The following FAM219A variants were observed in gnomAD, a reference collection of about 807,000 sequenced individuals.
FAM219A encodes protein FAM219A.
Under a neutral mutation model 23.4 loss-of-function variants are expected in FAM219A, and 7 were observed. The observed-to-expected ratio is 0.30, with a 90% confidence interval of 0.17 to 0.56. The LOEUF (loss-of-function observed/expected upper bound fraction) is 0.56, where lower values mean the gene tolerates loss of function less well. FAM219A is among the 20% of genes least tolerant of loss of function. The probability of loss-of-function intolerance (pLI) is 0.92; values close to 1 mark genes in which losing one functional copy is unlikely to be tolerated. For synonymous variants in FAM219A, 93 were observed against 99.0 expected (o/e 0.94, Z 0.36); for missense variants, 166 against 246.9 (o/e 0.67, Z 2.20).
chr9:34,440,988 C>T (rs1437672494), intron 1 of FAM219A, among the ~76,000 whole-genome samples: 3 of 152,170 alleles, frequency 2.0e-5, no homozygotes, highest in African/African-American at 7.2e-5. Context: ...CTCCTTGAGC[C>T]TCTCGAGTAG....
intron 1 of FAM219A, among the ~76,000 whole-genome samples, chr9:34,411,922 G>A (rs949473512): frequency 6.6e-6 from 1 of 152,128 alleles, no homozygotes; most frequent in African/African-American, 2.4e-5. Flanking sequence ...AACTAGCATA[G>A]TACATTCAAG....
intron 1 of FAM219A, among the ~76,000 whole-genome samples, chr9:34,416,273 GGGAAGGAA>G (rs74180565): frequency 0.14 from 16,171 of 114,120 alleles, 1,531 homozygotes; most frequent in Non-Finnish European, 0.18. Context: ...GAGGGAGGGA[GGGAAGGAA>G]GGAAGGAAGG....
At chr9:34,440,849 T>G (rs1823142005) in intron 1 of FAM219A, among the ~76,000 whole-genome samples, 1 of 138,656 alleles carries the variant, frequency 7.2e-6, no homozygotes, top group Non-Finnish European at 1.6e-5. Context: ...AGACTCGGTC[T>G]CAAAAAAAAA....
In FAM219A at chr9:34,400,749, C is replaced by G; in HGVS notation, c.*215G>C. ...ACGGCCCCCACCCCTCCTCAGCTCC[C>G]GGGTGGAGAGAGACCCAGTTTTGGT... is the stretch of plus-strand genomic sequence containing the variant. On this transcript the variant is annotated 3_prime_UTR_variant, in exon 6 of 6. Transcript: ENST00000651358. The G allele has an allele frequency of 1.1e-5, 5 of 456,640 alleles. No homozygotes were observed. In the South Asian group the frequency reaches 2.6e-4, roughly 23 times the overall value. The allele number at this position is 456,640 out of a possible 1,614,324, so 28.3% of individuals were successfully genotyped here. A position where few individuals can be genotyped will look rare whatever the true frequency, so the allele number is the denominator to read the frequency against.
At chr9:34,433,515 T>G (rs1451284306) in intron 1 of FAM219A, among the ~76,000 whole-genome samples, 2 of 152,194 alleles carry the variant, frequency 1.3e-5, no homozygotes, top group Non-Finnish European at 2.9e-5. Context: ...AAAAGACTCT[T>G]CTGAGAATTA....
At chr9:34,411,543 G>C (rs1407291740) in intron 1 of FAM219A, among the ~76,000 whole-genome samples, 1 of 152,016 alleles carries the variant, frequency 6.6e-6, no homozygotes, top group African/African-American at 2.4e-5. Context: ...CAGGCACGGT[G>C]GTGGGCGCCT....
At position 34,398,961 on chromosome 9, in the gene FAM219A, G is replaced by A. The variant is rs751034793; in HGVS notation, c.*2003C>T. On this transcript the variant is annotated 3_prime_UTR_variant, in exon 6 of 6. Transcript: ENST00000651358. ...CTAGAGGAGGTAGGAATGGGTTGGC[G>A]GAGTGGGGGGTGGTGAGCTGTACCC... is the stretch of plus-strand genomic sequence containing the variant. 3.2e-5 allele frequency: 5 copies of A among 154,040 alleles called. No homozygotes were observed. Among genetic ancestry groups the A allele is most frequent in the Non-Finnish European group, 5.8e-5 (4 of 69,228 alleles). 9.5% of individuals were successfully genotyped at this position (154,040 alleles called of 1,614,324 possible).
chr9:34,447,628 G>C (rs550641922), intron 1 of FAM219A, among the ~76,000 whole-genome samples: 1 of 152,256 alleles, frequency 6.6e-6, no homozygotes, highest in Non-Finnish European at 1.5e-5. Context: ...GTCTCTTCTT[G>C]TAGCCTATTC....
chr9:34,438,786 A>G (rs1245207807), intron 1 of FAM219A, among the ~76,000 whole-genome samples: 2 of 152,214 alleles, frequency 1.3e-5, no homozygotes, highest in Non-Finnish European at 2.9e-5. Context: ...GGCTCTACCA[A>G]TCAGCAGGAT....
At chr9:34,421,007 T>A (rs866318771) in intron 1 of FAM219A, among the ~76,000 whole-genome samples, 2,327 of 76,374 alleles carry the variant, frequency 0.03, 83 homozygotes, top group African/African-American at 0.11. Flanking sequence ...TGTGTGTGTG[T>A]GTGAGAGAGA....
At chr9:34,439,587 A>G (rs888547057) in intron 1 of FAM219A, among the ~76,000 whole-genome samples, 2 of 152,182 alleles carry the variant, frequency 1.3e-5, no homozygotes, top group Non-Finnish European at 2.9e-5. Context: ...ATGAAACTAT[A>G]GCTGAACTAA....
At chr9:34,410,892 G>A (rs1588036829) in intron 1 of FAM219A, among the ~76,000 whole-genome samples, 1 of 152,192 alleles carries the variant, frequency 6.6e-6, no homozygotes, top group South Asian at 2.1e-4. Context: ...CTAATACCTA[G>A]TTCAAGGGTT....
intron 1 of FAM219A, among the ~76,000 whole-genome samples, chr9:34,416,874 C>T (rs1006670649): frequency 2.9e-5 from 4 of 138,704 alleles, no homozygotes; most frequent in African/African-American, 8.3e-5. Context: ...TGGAGTGCAG[C>T]GGCTATTCAC....
intron 1 of FAM219A, among the ~76,000 whole-genome samples, chr9:34,433,999 A>G (rs538643417): frequency 1.7e-3 from 255 of 152,032 alleles, no homozygotes; most frequent in African/African-American, 5.9e-3. Flanking sequence ...TCAGGAGATC[A>G]AGACCATCCT....
chr9:34,441,866 G>A (rs1823186902), intron 1 of FAM219A, among the ~76,000 whole-genome samples: 1 of 152,144 alleles, frequency 6.6e-6, no homozygotes, highest in Admixed American at 6.5e-5. Context: ...TAGGACTACA[G>A]GTGCATGCCA....
chr9:34,455,581 C>G (rs891646268), intron 1 of FAM219A, among the ~76,000 whole-genome samples: 1 of 151,812 alleles, frequency 6.6e-6, no homozygotes, highest in Non-Finnish European at 1.5e-5. Flanking sequence ...ATCCTCCTGC[C>G]TCGGCCTCCT....
intron 1 of FAM219A, among the ~76,000 whole-genome samples, chr9:34,440,165 A>G (rs530736057): frequency 5.3e-5 from 8 of 152,262 alleles, no homozygotes; most frequent in African/African-American, 1.7e-4. Context: ...GCAGACCCCT[A>G]TGTTTTCTAG....
At chr9:34,437,983 C>T (rs1186290925) in intron 1 of FAM219A, among the ~76,000 whole-genome samples, 1 of 152,216 alleles carries the variant, frequency 6.6e-6, no homozygotes, top group South Asian at 2.1e-4. Flanking sequence ...CCTGGAGTTC[C>T]GAGTGGGCGT....
chr9:34,443,321 C>T lies in FAM219A; in HGVS notation c.60+14883G>A, dbSNP rs571114862. ...GGCCCACTCTGCTAACAGACTCAGCCGCCCTCTACACGTCCCCCAGCCCAG... is the reference window on the plus strand; with the variant it reads ...GGCCCACTCTGCTAACAGACTCAGCTGCCCTCTACACGTCCCCCAGCCCAG... On this transcript the variant is annotated intron_variant, in intron 1 of 5. Transcript: ENST00000651358. 1.3e-4 allele frequency among the ~76,000 whole-genome samples: 20 copies of T among 152,312 alleles called. 1 individual carries two copies. The highest frequency in any genetic ancestry group is 1.2e-3 in the East Asian group (6 of 5,186).
Sources: gnomAD v4.1 joint callset for allele counts (sites outside exome capture counted in the v4.1 genomes callset) on GRCh38, gnomAD v4.1.1 for gene constraint, MANE v1.5 for transcripts, NCBI Gene and HGNC (gene_info 2026-07-23, HGNC 2026-07-21) for gene names.